The following FUT8 variants were observed in gnomAD, a reference collection of about 807,000 sequenced individuals.
FUT8 encodes alpha-(1,6)-fucosyltransferase.
Under a neutral mutation model 71.3 loss-of-function variants are expected in FUT8, and 29 were observed. The observed-to-expected ratio is 0.41, with a 90% CI of 0.30 to 0.55. The LOEUF is 0.55. FUT8 is among the 20% of genes least tolerant of loss of function. The pLI, the probability that FUT8 is intolerant of heterozygous loss-of-function variation, is 0.34. For synonymous variants in FUT8, 254 were observed against 239.3 expected (o/e 1.06, Z -0.57); for missense variants, 544 against 702.1 (o/e 0.77, Z 2.55).
At chr14:65,503,764 A>G (rs2066683016) in intron 2 of FUT8, among the ~76,000 whole-genome samples, 1 of 152,162 alleles carries the variant, frequency 6.6e-6, no homozygotes, top group Admixed American at 6.5e-5. Context: ...AATTCAGGCT[A>G]CAACTAGACA....
intron 1 of FUT8, among the ~76,000 whole-genome samples, chr14:65,416,582 C>T (rs1259063736): frequency 2.0e-5 from 3 of 151,968 alleles, no homozygotes; most frequent in Admixed American, 6.6e-5. Flanking sequence ...ATTTCACTAC[C>T]GTATAGTATG....
chr14:65,596,843 T>C lies in FUT8; in HGVS notation c.204-19135T>C, dbSNP rs112554906. ...GTCTATCTAAACACTTACTGTGATA[T>C]GTAGAATTTTCTTAAATTTTCTCTA... is the stretch of plus-strand genomic sequence containing the variant. On this transcript the variant is annotated intron_variant, in intron 3 of 10. Coordinates refer to ENST00000673929, the MANE Select transcript of FUT8 (RefSeq NM_001371533.1). Among the ~76,000 whole-genome samples, 25 of 152,348 alleles carry C rather than the reference T, an allele frequency of 1.6e-4. No individual in the cohort carries two copies. In the South Asian group the frequency reaches 5.2e-3, roughly 32 times the overall value.
chr14:65,577,095 C>CT (rs1886831175), intron 3 of FUT8, among the ~76,000 whole-genome samples: 1 of 152,060 alleles, frequency 6.6e-6, no homozygotes, highest in African/African-American at 2.4e-5. Context: ...AGCAGTCCTC[C>CT]TGCCTCAGCC....
intron 3 of FUT8, among the ~76,000 whole-genome samples, chr14:65,591,704 A>T (rs754828466): frequency 6.6e-5 from 10 of 152,106 alleles, no homozygotes; most frequent in Non-Finnish European, 1.3e-4. Context: ...CTCAGGTAGT[A>T]TAGTTTGAAG....
the FUT8 span, among the ~76,000 whole-genome samples, chr14:65,363,279 G>A: frequency 0.15 from 8,678 of 59,576 alleles, 309 homozygotes; most frequent in Admixed American, 0.29. Flanking sequence ...CCGCCACCAA[G>A]CCTGGCTAAT....
At chr14:65,530,776 T>C (rs918084504) in intron 2 of FUT8, among the ~76,000 whole-genome samples, 27 of 151,356 alleles carry the variant, frequency 1.8e-4, no homozygotes, top group Non-Finnish European at 2.8e-4. Context: ...TTTATGGTGC[T>C]CTTGCGTGTA....
chr14:65,596,279 T>C (rs1887973237), intron 3 of FUT8, among the ~76,000 whole-genome samples: 1 of 152,236 alleles, frequency 6.6e-6, no homozygotes, highest in Non-Finnish European at 1.5e-5. Flanking sequence ...ATTTTAAATA[T>C]AGATTTGCTA....
At chr14:65,371,845 G>A in the FUT8 span, among the ~76,000 whole-genome samples, 1 of 152,192 alleles carries the variant, frequency 6.6e-6, no homozygotes, top group Non-Finnish European at 1.5e-5. Flanking sequence ...TGCTAGATGT[G>A]CTTGTTACTA....
chr14:65,500,237 T>G (rs1208713249), intron 2 of FUT8, among the ~76,000 whole-genome samples: 3 of 152,206 alleles, frequency 2.0e-5, no homozygotes, highest in Admixed American at 6.5e-5. Context: ...CATTCCTGCT[T>G]TCAGTATATT....
intron 2 of FUT8, 145 bp from the exon 3 acceptor site, chr14:65,561,191 CT>C: frequency 5.1e-6 from 1 of 194,338 alleles, no homozygotes; most frequent in East Asian, 1.2e-4. Context: ...AGATTTAAAG[CT>C]TTTACCCTTT....
the FUT8 span, among the ~76,000 whole-genome samples, chr14:65,358,420 A>C: frequency 3.9e-5 from 6 of 152,342 alleles, 1 homozygote; most frequent in South Asian, 1.2e-3. Flanking sequence ...AAAAATGTTG[A>C]AAACTAATGC....
At chr14:65,591,474 CT>C (rs1887682684) in intron 3 of FUT8, among the ~76,000 whole-genome samples, 1 of 152,112 alleles carries the variant, frequency 6.6e-6, no homozygotes, top group South Asian at 2.1e-4. Context: ...AAATCCAAGT[CT>C]TTCTTTGAAA....
chr14:65,688,396 T>C (rs1893405429), intron 7 of FUT8, among the ~76,000 whole-genome samples: 1 of 152,050 alleles, frequency 6.6e-6, no homozygotes, highest in African/African-American at 2.4e-5. Flanking sequence ...CCTACATGTC[T>C]TTTTTGTAAC....
chr14:65,436,169 C>T (rs1364577733), intron 1 of FUT8, among the ~76,000 whole-genome samples: 1 of 151,910 alleles, frequency 6.6e-6, no homozygotes, highest in Admixed American at 6.6e-5. Context: ...TTGAGCTGGT[C>T]CTGATGGCAC....
At chr14:65,693,867 C>A (rs1454324612) in intron 7 of FUT8, among the ~76,000 whole-genome samples, 1 of 152,154 alleles carries the variant, frequency 6.6e-6, no homozygotes, top group Non-Finnish European at 1.5e-5. Context: ...TTTCTTTGAT[C>A]AATATAGAGA....
At chr14:65,376,204 T>C in the FUT8 span, among the ~76,000 whole-genome samples, 1 of 152,190 alleles carries the variant, frequency 6.6e-6, no homozygotes, top group Non-Finnish European at 1.5e-5. Context: ...TTGTCAAGTA[T>C]GGTTTTCCAT....
intron 7 of FUT8, among the ~76,000 whole-genome samples, chr14:65,717,428 G>T (rs1440901778): frequency 9.8e-6 from 1 of 102,270 alleles, no homozygotes; most frequent in Non-Finnish European, 1.9e-5. Flanking sequence ...GGCAGAGGTG[G>T]CTCCTCACAT....
chr14:65,495,920 A>G (rs1266842009), intron 2 of FUT8, among the ~76,000 whole-genome samples: 1 of 152,130 alleles, frequency 6.6e-6, no homozygotes, highest in Non-Finnish European at 1.5e-5. Context: ...TTTAGTAGGA[A>G]CTTGAGATGA....
At chr14:65,392,508 G>C in the FUT8 span, among the ~76,000 whole-genome samples, 2 of 152,204 alleles carry the variant, frequency 1.3e-5, no homozygotes, top group South Asian at 4.2e-4. Context: ...TGCCGGTTTT[G>C]ACTTCCTGAA....
Sources: gnomAD v4.1 joint callset for allele counts (sites outside exome capture counted in the v4.1 genomes callset) on GRCh38, gnomAD v4.1.1 for gene constraint, MANE v1.5 for transcripts, NCBI Gene and HGNC (gene_info 2026-07-23, HGNC 2026-07-21) for gene names.